Variants in EFCAB3 observed in about 807,000 individuals in gnomAD.
The protein encoded by EFCAB3 is EF-hand calcium binding domain 3.
In EFCAB3, 36 loss-of-function variants were observed where a neutral mutation model predicts 42.2. The observed-to-expected ratio is 0.85, with a 90% CI of 0.65 to 1.13. The LOEUF is 1.13. Ranked by LOEUF, EFCAB3 falls within the 50% of genes most tolerant of loss-of-function variation. The pLI, the probability that EFCAB3 is intolerant of heterozygous loss-of-function variation, is 0.00. For missense variants in EFCAB3, 418 were observed against 505.1 expected, an observed-to-expected ratio of 0.83 and a Z score of 1.65; for synonymous variants, 170 against 172.8, an observed-to-expected ratio of 0.98 and a Z score of 0.13.
intron 1 of EFCAB3, among the ~76,000 whole-genome samples, chr17:62,372,893 C>T (rs935368707): frequency 1.3e-5 from 2 of 152,204 alleles, no homozygotes; most frequent in African/African-American, 4.8e-5. Context: ...CTGAACTACC[C>T]ACAGTTCCCT....
upstream of EFCAB3, among the ~76,000 whole-genome samples, chr17:62,380,047 G>A (rs2144053707): frequency 6.6e-6 from 1 of 152,290 alleles, no homozygotes; most frequent in East Asian, 1.9e-4. Flanking sequence ...TGTCGCCCAG[G>A]CTAGAGTGCA....
chr17:62,399,783 A>C (rs1326605192), intron 6 of EFCAB3, among the ~76,000 whole-genome samples: 6 of 151,958 alleles, frequency 3.9e-5, no homozygotes, highest in African/African-American at 1.5e-4. Context: ...CCCTGTCCCC[A>C]CTTCTCTGCT....
chr17:62,402,685 G>A (rs2070414363), intron 6 of EFCAB3, among the ~76,000 whole-genome samples: 1 of 152,040 alleles, frequency 6.6e-6, no homozygotes, highest in Admixed American at 6.6e-5. Context: ...TGCTGGATTC[G>A]GTTTGCCAGT....
chr17:62,397,459 G>A, intron 6 of EFCAB3: 2 of 547,640 alleles, frequency 3.7e-6, no homozygotes, highest in South Asian at 2.9e-5. Flanking sequence ...GAGACCAGAA[G>A]TGGCATGAAA....
chr17:62,416,457 A>G lies in EFCAB3; in HGVS notation c.*128A>G. On this transcript the variant is annotated 3_prime_UTR_variant, in exon 10 of 10. Transcript: ENST00000305286. ...TTTTGACATCTTTTGGATTCTGACC[A>G]GTAAAAAAGTTTAAGTCATAAAATG... 2.6e-6 allele frequency: 2 copies of G among 779,242 alleles called. No homozygotes were observed. The highest frequency in any genetic ancestry group is 3.9e-6 in the Non-Finnish European group (2 of 517,864). The allele number at this position is 779,242 out of a possible 1,614,324, so 48.3% of individuals were successfully genotyped here.
chr17:62,382,059 CAAAA>C (rs1249495034), intron 1 of EFCAB3: 2 of 187,810 alleles, frequency 1.1e-5, no homozygotes, highest in Admixed American at 6.2e-5. Context: ...CATCCAAAAA[CAAAA>C]ACAAACAAAC....
At chr17:62,395,209 C>A in intron 6 of EFCAB3, 21 bp downstream of exon 6, 2 of 1,606,946 alleles carry the variant, frequency 1.2e-6, no homozygotes, top group Non-Finnish European at 1.7e-6. Context: ...AGGAAAGGAG[C>A]AAAAACAGCC....
In EFCAB3 at chr17:62,382,049, C is replaced by T. The variant is rs894242635; in HGVS notation, c.-17-914C>T. 6.6e-5 allele frequency: 13 copies of T among 196,294 alleles called. No individual in the cohort carries two copies. In the Admixed American group the frequency reaches 7.8e-4, roughly 12 times the overall value. 12.2% of individuals were successfully genotyped at this position (196,294 alleles called of 1,614,324 possible). ...TCCCCTGCAAATAAAGCCTTTTACA[C>T]ATCCAAAAACAAAAACAAACAAACA... On this transcript the variant is annotated intron_variant, in intron 1 of 9. Transcript: ENST00000305286.
intron 2 of EFCAB3, chr17:62,373,888 C>T: frequency 1.6e-6 from 2 of 1,278,764 alleles, no homozygotes; most frequent in Non-Finnish European, 1.1e-6. Context: ...ATTTATTATA[C>T]AATATAAAAT....
intron 1 of EFCAB3, among the ~76,000 whole-genome samples, chr17:62,381,141 C>T (rs1297182307): frequency 8.6e-6 from 1 of 116,302 alleles, no homozygotes; most frequent in Admixed American, 9.7e-5. Flanking sequence ...AATGCTATCC[C>T]TCCCCCCTCC....
chr17:62,412,975 A>G (rs1215774565), intron 8 of EFCAB3, among the ~76,000 whole-genome samples: 5 of 152,214 alleles, frequency 3.3e-5, no homozygotes, highest in African/African-American at 1.2e-4. Context: ...TTCACACTTC[A>G]TATACAAATT....
chr17:62,401,543 G>A (rs2070403089), intron 6 of EFCAB3, among the ~76,000 whole-genome samples: 1 of 152,128 alleles, frequency 6.6e-6, no homozygotes, highest in African/African-American at 2.4e-5. Flanking sequence ...TATTAAATAG[G>A]GAATCCTTTC....
rs971626455 is a variant in EFCAB3 at position 62,383,107 on chromosome 17, T to C, written c.74+54T>C. ...ATGTATTATGATAAAGAATTATTAG[T>C]GTTACAGCTCTTTTAGAATTTTGTC... is the stretch of plus-strand genomic sequence containing the variant. On this transcript the variant is annotated intron_variant, in intron 2 of 9. Coordinates refer to ENST00000305286, the MANE Select transcript of EFCAB3 (RefSeq NM_173503.4). 1.1e-5 allele frequency: 17 copies of C among 1,482,254 alleles called. No homozygotes were observed. In the East Asian group the frequency reaches 3.7e-4, roughly 33 times the overall value. 91.8% of individuals were successfully genotyped at this position (1,482,254 alleles called of 1,614,324 possible).
intron 2 of EFCAB3, among the ~76,000 whole-genome samples, chr17:62,374,215 C>A (rs943304734): frequency 6.6e-6 from 1 of 152,138 alleles, no homozygotes; most frequent in Non-Finnish European, 1.5e-5. Context: ...AATCCCAGCA[C>A]TTTGGGAGGC....
intron 8 of EFCAB3, among the ~76,000 whole-genome samples, chr17:62,408,886 A>G (rs1355910861): frequency 6.6e-6 from 1 of 152,128 alleles, no homozygotes; most frequent in Non-Finnish European, 1.5e-5. Flanking sequence ...GTTGTTCCTC[A>G]GAGAGCTGCA....
At chr17:62,410,365 G>A (rs1473043506) in intron 8 of EFCAB3, among the ~76,000 whole-genome samples, 1 of 152,054 alleles carries the variant, frequency 6.6e-6, no homozygotes, top group African/African-American at 2.4e-5. Flanking sequence ...CTACAAAAAA[G>A]AAAAGAAAGA....
intron 2 of EFCAB3, among the ~76,000 whole-genome samples, chr17:62,387,121 A>C (rs1447946603): frequency 6.6e-6 from 1 of 152,088 alleles, no homozygotes. Context: ...GGGAAGGGTG[A>C]TGGGCAAGTT....
chr17:62,373,845 G>A (rs2070131152), exon 2 of EFCAB3: 2 of 1,511,764 alleles, frequency 1.3e-6, no homozygotes, highest in Admixed American at 2.0e-5. Flanking sequence ...ATTCAATAAT[G>A]GAGGGCCTGA....
chr17:62,415,040 G>T (rs2070533103), intron 9 of EFCAB3, among the ~76,000 whole-genome samples: 1 of 151,854 alleles, frequency 6.6e-6, no homozygotes, highest in African/African-American at 2.4e-5. Flanking sequence ...GGAGGCAGAG[G>T]TTGTGATGAG....
Sources: gnomAD v4.1 joint callset for allele counts (sites outside exome capture counted in the v4.1 genomes callset) on GRCh38, gnomAD v4.1.1 for gene constraint, MANE v1.5 for transcripts, NCBI Gene and HGNC (gene_info 2026-07-23, HGNC 2026-07-21) for gene names.